Variants in P4HTM observed in about 807,000 individuals in gnomAD.
P4HTM encodes the protein transmembrane prolyl 4-hydroxylase.
In P4HTM, 33 loss-of-function variants were observed where a neutral mutation model predicts 55.3. That is an observed-to-expected ratio of 0.60 (90% CI 0.45 to 0.80). P4HTM has a LOEUF of 0.80. Ranked by LOEUF, P4HTM falls within the 30% of genes least tolerant of loss-of-function variation. P4HTM has a pLI of 0.00. For synonymous variants in P4HTM, 272 were observed against 286.4 expected (o/e 0.95, Z 0.51); for missense variants, 542 against 696.5 (o/e 0.78, Z 2.50).
chr3:48,992,108 T>C (rs1429957381), intron 2 of P4HTM: 1 of 152,188 alleles, frequency 6.6e-6, no homozygotes, highest in African/African-American at 2.4e-5. Flanking sequence ...TTGAAGTCTG[T>C]GCCAGGCACT....
chr3:48,991,173 C>T (rs1210578759), intron 2 of P4HTM: 2 of 462,220 alleles, frequency 4.3e-6, no homozygotes, highest in Non-Finnish European at 7.8e-6. Flanking sequence ...TTTCATTGCA[C>T]CTGTCTTCCG....
At chr3:49,001,779 T>G in intron 3 of P4HTM, 151 bp downstream of exon 3, 1 of 668,688 alleles carries the variant, frequency 1.5e-6, no homozygotes, top group Non-Finnish European at 2.5e-6. Flanking sequence ...GAGGTCCCCT[T>G]TCCCTCTGGA....
At chr3:49,005,950 G>A (rs1055313908) in intron 7 of P4HTM, 83 bp downstream of exon 7, 14 of 1,540,582 alleles carry the variant, frequency 9.1e-6, no homozygotes, top group East Asian at 6.8e-5. Flanking sequence ...GTCTAAGGAT[G>A]TGGGCCCAAA....
chr3:48,995,643 T>C (rs1261015336), intron 2 of P4HTM, among the ~76,000 whole-genome samples: 1 of 151,910 alleles, frequency 6.6e-6, no homozygotes, highest in African/African-American at 2.4e-5. Context: ...AGTGCAGTGG[T>C]GTGATCTCGG....
At position 49,006,913 on chromosome 3, in the gene P4HTM, G is replaced by T. The variant is rs763861341; in HGVS notation, c.*6G>T. On this transcript the variant is annotated 3_prime_UTR_variant, in exon 9 of 9. Coordinates refer to ENST00000383729, the MANE Select transcript of P4HTM (RefSeq NM_177939.3). ...ATGCGCGCGTGGAACTCTGAGGGAA[G>T]AGTTAGCCCCGGTTCCCAGCCGCGG... is the stretch of plus-strand genomic sequence containing the variant. The T allele has an allele frequency of 2.5e-6, 4 of 1,606,952 alleles. No individual in the cohort carries two copies. The highest frequency in any genetic ancestry group is 1.1e-5 in the South Asian group (1 of 90,758).
In P4HTM at chr3:49,004,844, T is replaced by A; in HGVS notation, c.888-17T>A. ...CCTTGCCTGGGGCTGCCCAGCCAAA[T>A]GCCTGCTGCCCACCAGGGTGCTGCG... On this transcript the variant is annotated splice_polypyrimidine_tract_variant and intron_variant, in intron 5 of 8. Coordinates refer to ENST00000383729, the MANE Select transcript of P4HTM (RefSeq NM_177939.3). 6.3e-7 allele frequency: 1 copy of A among 1,593,746 alleles called. No homozygotes were observed. Among genetic ancestry groups the A allele is most frequent in the Non-Finnish European group, 8.5e-7 (1 of 1,171,926 alleles).
chr3:49,006,000 C>T, intron 7 of P4HTM, 64 bp from the exon 8 acceptor site: 1 of 1,577,454 alleles, frequency 6.3e-7, no homozygotes, highest in Non-Finnish European at 8.7e-7. Flanking sequence ...CCTTTGGTCA[C>T]CCTTGGCTGG....
intron 2 of P4HTM, among the ~76,000 whole-genome samples, chr3:48,993,943 T>C (rs1161527756): frequency 1.3e-5 from 2 of 151,774 alleles, no homozygotes; most frequent in African/African-American, 4.8e-5. Context: ...CAGAAGAGAT[T>C]TGACAAAAGG....
chr3:49,004,191 G>A lies in P4HTM; in HGVS notation c.818G>A (p.Arg273Gln), dbSNP rs771316042. ...SHKAESSELV[R>Q]NSHHTWLYQG... ...AAGGCAGAGTCCAGTGAGCTGGTGCGGAACAGCCACCATACCTGGCTCTAC... is the reference window on the plus strand; with the variant it reads ...AAGGCAGAGTCCAGTGAGCTGGTGCAGAACAGCCACCATACCTGGCTCTAC... Residue 273 changes from arginine (R) to glutamine (Q), a missense_variant, in exon 5 of 9, where the codon CGG (arginine) becomes CAG (glutamine). Coordinates refer to ENST00000383729, the MANE Select transcript of P4HTM (RefSeq NM_177939.3). The A allele has an allele frequency of 6.1e-5, 94 of 1,549,458 alleles. No homozygotes were observed. Among genetic ancestry groups the A allele is most frequent in the Admixed American group, 1.2e-4 (6 of 50,986 alleles).
chr3:48,990,476 A>G lies in P4HTM; in HGVS notation c.220A>G (p.Asn74Asp), dbSNP rs1375495136. ...GGTGTTCGTGCACCTGTACCTGGGT[A>G]ACGTGCTGGCGCTGCTGCTCTTCGT... is the stretch of plus-strand genomic sequence containing the variant. ...LMVFVHLYLG[N>D]VLALLLFVHY... The change falls in exon 1 of 9, where the codon AAC becomes GAC. Residue 74 changes from asparagine to aspartate, a missense_variant. Coordinates refer to ENST00000383729, the MANE Select transcript of P4HTM (RefSeq NM_177939.3). The surrounding 1 kb of genome is among the most constrained non-coding windows in gnomAD (Gnocchi z 7.2). The G allele has an allele frequency of 6.2e-7, 1 of 1,611,214 alleles. No individual in the cohort carries two copies. The highest frequency in any genetic ancestry group is 1.3e-5 in the African/African-American group (1 of 74,842).
chr3:49,001,737 ACCCAGACCTGCCTGGGCATG>A, intron 3 of P4HTM, 109 bp downstream of exon 3: 1 of 961,500 alleles, frequency 1.0e-6, no homozygotes, highest in Non-Finnish European at 1.5e-6. Context: ...GTCAGATACT[ACCCAGACCTGCCTGGGCATG>A]CCCAGACCCA....
chr3:48,991,080 A>C (rs1307161263), intron 2 of P4HTM, 166 bp downstream of exon 2: 1 of 608,908 alleles, frequency 1.6e-6, no homozygotes, highest in African/African-American at 1.9e-5. Context: ...AAATAGGGTA[A>C]CACTCCCTCT....
chr3:49,000,590 G>T (rs1218585065), intron 2 of P4HTM, among the ~76,000 whole-genome samples: 1 of 152,136 alleles, frequency 6.6e-6, no homozygotes, highest in East Asian at 1.9e-4. Context: ...CAGGAACAAG[G>T]GAAGGAAGCA....
chr3:48,991,027 C>T (rs2092929830), intron 2 of P4HTM, 113 bp downstream of exon 2: 1 of 762,824 alleles, frequency 1.3e-6, no homozygotes, highest in Admixed American at 2.3e-5. Context: ...TCAGAGCAGC[C>T]CTTCCAGAGG....
intron 8 of P4HTM, 28 bp downstream of exon 8, chr3:49,006,215 G>T (rs200837151): frequency 3.1e-6 from 5 of 1,598,922 alleles, no homozygotes; most frequent in Admixed American, 1.7e-5. Context: ...GGCCTGGGGG[G>T]GGTGCCCTGA....
intron 2 of P4HTM, 48 bp from the exon 3 acceptor site, chr3:49,001,390 C>T (rs1576606413): frequency 6.3e-7 from 1 of 1,584,668 alleles, no homozygotes; most frequent in Non-Finnish European, 8.7e-7. Context: ...CTGGGTGCAC[C>T]AGCGCCCTGG....
intron 7 of P4HTM, 86 bp downstream of exon 7, chr3:49,005,953 G>T: frequency 6.5e-7 from 1 of 1,539,996 alleles, no homozygotes; most frequent in African/African-American, 1.4e-5. Flanking sequence ...TAAGGATGTG[G>T]GCCCAAATTA....
intron 2 of P4HTM, among the ~76,000 whole-genome samples, chr3:48,994,966 A>G (rs1257762504): frequency 6.6e-6 from 1 of 151,838 alleles, no homozygotes; most frequent in African/African-American, 2.4e-5. Context: ...CACCTGGCTA[A>G]TTTTTTGTAT....
At position 49,002,634 on chromosome 3, in the gene P4HTM, C is replaced by T. The variant is rs778960822; in HGVS notation, c.724+38C>T. 1.3e-6 allele frequency: 2 copies of T among 1,494,684 alleles called. No homozygotes were observed. The highest frequency in any genetic ancestry group is 9.3e-7 in the Non-Finnish European group (1 of 1,071,114). 92.6% of individuals were successfully genotyped at this position (1,494,684 alleles called of 1,614,324 possible). ...CTCTGCACAGTCCTATCCCCGTGAG[C>T]CTCCTGCCCACTCCCAGGTGCACAA... On this transcript the variant is annotated intron_variant, in intron 4 of 8. Coordinates refer to ENST00000383729, the MANE Select transcript of P4HTM (RefSeq NM_177939.3). This position sits in a 1 kb window ranked among gnomAD's most constrained non-coding sequence, Gnocchi z 4.4.
Sources: gnomAD v4.1 joint callset for allele counts (sites outside exome capture counted in the v4.1 genomes callset) on GRCh38, gnomAD v4.1.1 for gene constraint, Gnocchi (gnomAD v3.1) non-coding constraint, MANE v1.5 for transcripts, NCBI Gene and HGNC (gene_info 2026-07-23, HGNC 2026-07-21) for gene names.